The following AHI1 variants were observed in gnomAD, a reference collection of about 807,000 sequenced individuals.
AHI1 encodes Abelson helper integration site 1, also known as jouberin.
A neutral mutation model predicts 149.3 loss-of-function variants in AHI1; 123 were observed. That is an observed-to-expected ratio of 0.82 (90% CI 0.71 to 0.96). The LOEUF is 0.96. AHI1 is among the 40% of genes least tolerant of loss of function. AHI1 has a pLI of 0.00. For missense variants in AHI1, 1,439 were observed against 1,422.7 expected (o/e 1.01, Z -0.18); for synonymous variants, 475 against 459.8 (o/e 1.03, Z -0.42).
chr6:135,374,358 C>T (rs776291873), intron 23 of AHI1, among the ~76,000 whole-genome samples: 33 of 151,770 alleles, frequency 2.2e-4, no homozygotes, highest in African/African-American at 3.4e-4. Context: ...GTGATCCACC[C>T]GCCTCAGCCT....
intron 28 of AHI1, 93 bp from the exon 29 acceptor site, chr6:135,285,740 G>C: frequency 9.7e-7 from 1 of 1,029,558 alleles, no homozygotes; most frequent in Non-Finnish European, 1.5e-6. Context: ...AACAGCACAG[G>C]TAATAAAGGA....
intron 21 of AHI1, among the ~76,000 whole-genome samples, chr6:135,407,173 G>A (rs577976702): frequency 6.6e-6 from 1 of 152,050 alleles, no homozygotes; most frequent in Non-Finnish European, 1.5e-5. Flanking sequence ...TATACCTGCT[G>A]AACTGAATTT....
chr6:135,346,123 A>G (rs1020337499), intron 24 of AHI1, among the ~76,000 whole-genome samples: 1 of 152,206 alleles, frequency 6.6e-6, no homozygotes, highest in Non-Finnish European at 1.5e-5. Flanking sequence ...ACAGAAAACT[A>G]AAGTGGAAAG....
intron 23 of AHI1, among the ~76,000 whole-genome samples, chr6:135,378,015 G>A (rs1186641304): frequency 6.6e-6 from 1 of 152,096 alleles, no homozygotes; most frequent in African/African-American, 2.4e-5. Context: ...GTCCCAACCA[G>A]AGATATCAGT....
chr6:135,454,851 C>A (rs1788672872), intron 10 of AHI1, among the ~76,000 whole-genome samples: 1 of 152,122 alleles, frequency 6.6e-6, no homozygotes, highest in South Asian at 2.1e-4. Flanking sequence ...TCACACACAA[C>A]ATAATCACAA....
intron 14 of AHI1, among the ~76,000 whole-genome samples, chr6:135,439,488 G>A (rs1294612891): frequency 1.3e-5 from 2 of 152,088 alleles, no homozygotes; most frequent in Non-Finnish European, 2.9e-5. Flanking sequence ...TAATCATGTT[G>A]GCAATTGGCA....
At chr6:135,374,866 C>T (rs757441796) in intron 23 of AHI1, among the ~76,000 whole-genome samples, 5 of 152,152 alleles carry the variant, frequency 3.3e-5, no homozygotes, top group Non-Finnish European at 5.9e-5. Flanking sequence ...GGAAAGCATA[C>T]TTTGAGTACC....
intron 26 of AHI1, chr6:135,302,746 G>A: frequency 7.8e-7 from 1 of 1,286,490 alleles, no homozygotes; most frequent in Non-Finnish European, 1.0e-6. Flanking sequence ...ACGTCATATA[G>A]GTAGTTACTC....
intron 23 of AHI1, among the ~76,000 whole-genome samples, chr6:135,358,723 A>G (rs1350017237): frequency 1.3e-5 from 2 of 152,202 alleles, no homozygotes; most frequent in African/African-American, 2.4e-5. Context: ...CTTTAAAATG[A>G]TAACACAGAT....
chr6:135,399,787 G>C, intron 22 of AHI1, among the ~76,000 whole-genome samples: 1 of 151,312 alleles, frequency 6.6e-6, no homozygotes, highest in East Asian at 1.9e-4. Flanking sequence ...GCCAAGGCCA[G>C]AAAGCTGGGA....
At chr6:135,358,303 A>G in intron 23 of AHI1, 116 bp from the exon 24 acceptor site, 2 of 895,240 alleles carry the variant, frequency 2.2e-6, no homozygotes, top group Non-Finnish European at 3.6e-6. Context: ...GCTTCCAAGA[A>G]AAAAGTCTCA....
intron 23 of AHI1, among the ~76,000 whole-genome samples, chr6:135,391,921 T>C (rs1778560543): frequency 6.6e-6 from 1 of 152,120 alleles, no homozygotes; most frequent in African/African-American, 2.4e-5. Context: ...TAGTTATCTC[T>C]AAACAACTGG....
chr6:135,496,999 T>C (rs1175665178), intron 2 of AHI1, among the ~76,000 whole-genome samples, 189 bp downstream of exon 2: 4 of 152,190 alleles, frequency 2.6e-5, no homozygotes, highest in South Asian at 2.1e-4. Context: ...GAAAAAATCG[T>C]TGGCATCTCT....
chr6:135,381,257 C>T (rs1380445791), intron 23 of AHI1, among the ~76,000 whole-genome samples: 1 of 152,046 alleles, frequency 6.6e-6, no homozygotes, highest in African/African-American at 2.4e-5. Flanking sequence ...CAAAACAAAA[C>T]ACCTGTTCAT....
At chr6:135,405,904 GA>G (rs933577797) in intron 21 of AHI1, among the ~76,000 whole-genome samples, 5 of 133,780 alleles carry the variant, frequency 3.7e-5, no homozygotes, top group Non-Finnish European at 8.3e-5. Flanking sequence ...AAAAGAAAAA[GA>G]AAAAAAAATA....
chr6:135,393,796 T>C (rs1778849920), intron 23 of AHI1, among the ~76,000 whole-genome samples: 1 of 152,066 alleles, frequency 6.6e-6, no homozygotes, highest in African/African-American at 2.4e-5. Context: ...TGCAATCTCA[T>C]TTAAACTTCA....
chr6:135,300,336 AAAAAG>A (rs1783705169), intron 27 of AHI1, among the ~76,000 whole-genome samples, 159 bp downstream of exon 27: 1 of 151,086 alleles, frequency 6.6e-6, no homozygotes, highest in African/African-American at 2.5e-5. Flanking sequence ...AAAAAAAAAA[AAAAAG>A]AAAAAAAAAT....
chr6:135,416,651 G>C (rs1233540922), intron 20 of AHI1, among the ~76,000 whole-genome samples: 1 of 151,892 alleles, frequency 6.6e-6, no homozygotes, highest in Admixed American at 6.6e-5. Context: ...ATATACAAAA[G>C]GACGACCACT....
At chr6:135,375,438 A>G (rs544361642) in intron 23 of AHI1, among the ~76,000 whole-genome samples, 2 of 152,348 alleles carry the variant, frequency 1.3e-5, no homozygotes, top group Admixed American at 6.5e-5. Context: ...TAAAATGTTT[A>G]GAAAAAGATT....
Sources: gnomAD v4.1 joint callset for allele counts (sites outside exome capture counted in the v4.1 genomes callset) on GRCh38, gnomAD v4.1.1 for gene constraint, MANE v1.5 for transcripts, NCBI Gene and HGNC (gene_info 2026-07-23, HGNC 2026-07-21) for gene names.